Variants in RORA observed in about 807,000 individuals in gnomAD.
RORA encodes the protein RAR related orphan receptor A, also known as nuclear receptor ROR-alpha.
RORA carries 7 observed loss-of-function variants against 69.5 expected under a neutral mutation model. The ratio of observed to expected loss-of-function variants is 0.10; its 90% CI spans 0.06 to 0.19. RORA has a LOEUF of 0.19. Ranked by LOEUF, RORA falls within the 10% of genes least tolerant of loss-of-function variation. The probability of loss-of-function intolerance (pLI) is 1.00; values close to 1 mark genes in which losing one functional copy is unlikely to be tolerated. For missense variants in RORA, 457 were observed against 663.0 expected, an observed-to-expected ratio of 0.69 and a Z score of 3.41; for synonymous variants, 261 against 240.8, an observed-to-expected ratio of 1.08 and a Z score of -0.78.
intron 2 of RORA, among the ~76,000 whole-genome samples, chr15:60,605,628 A>G (rs192772192): frequency 1.3e-5 from 2 of 152,352 alleles, no homozygotes; most frequent in South Asian, 2.1e-4. Context: ...TTGGTCTTTA[A>G]TAGAGGCAAA....
Position 60,592,914 on chromosome 15 carries a change from C to G in RORA, c.197-61063G>C, listed in dbSNP as rs1567112204. On this transcript the variant is annotated intron_variant, in intron 2 of 10. Coordinates refer to ENST00000335670, the MANE Select transcript of RORA (RefSeq NM_134261.3). ...AAGAGGCTCGCAACCCGACGCCACT[C>G]TCCCGCTGGCTTGCCGGAGCACTCG... The G allele has an allele frequency of 6.6e-6, 3 of 455,962 alleles. No homozygotes were observed. The Admixed American group carries it at 7.1e-5, about 11-fold the overall frequency. The allele number at this position is 455,962 out of a possible 1,614,324, so 28.2% of individuals were successfully genotyped here. A position where few individuals can be genotyped will look rare whatever the true frequency, so the allele number is the denominator to read the frequency against.
chr15:60,845,472 G>T (rs2073253843), intron 1 of RORA, among the ~76,000 whole-genome samples: 1 of 152,120 alleles, frequency 6.6e-6, no homozygotes, highest in Non-Finnish European at 1.5e-5. Flanking sequence ...GATTCTTTAA[G>T]GTCCCCAGAT....
intron 2 of RORA, among the ~76,000 whole-genome samples, chr15:60,632,259 C>G (rs1211375124): frequency 6.6e-6 from 1 of 152,082 alleles, no homozygotes; most frequent in Non-Finnish European, 1.5e-5. Context: ...GAACCTGCCA[C>G]TACACCCAGG....
At chr15:60,743,257 C>T (rs965112020) in intron 1 of RORA, among the ~76,000 whole-genome samples, 28 of 152,068 alleles carry the variant, frequency 1.8e-4, no homozygotes, top group African/African-American at 2.4e-4. Flanking sequence ...TCAAGTGATC[C>T]GACCGCCTCG....
At chr15:61,117,058 AAG>A (rs1367989875) in intron 1 of RORA, among the ~76,000 whole-genome samples, 1 of 152,182 alleles carries the variant, frequency 6.6e-6, no homozygotes, top group African/African-American at 2.4e-5. Context: ...ATCCCAGTCC[AAG>A]AGAGTTTACT....
rs897676037 is a variant in RORA, at chr15:60,533,147, G to A, written c.197-1296C>T. 3.9e-5 allele frequency among the ~76,000 whole-genome samples: 6 copies of A among 152,210 alleles called. No homozygotes were observed. In the South Asian group the frequency reaches 1.2e-3, roughly 32 times the overall value. ...GATTTAACCTCATTATAAACCATGT[G>A]TACTGCTAACTCCCTTTCTCAGGGC... On this transcript the variant is annotated intron_variant, in intron 2 of 10. Coordinates refer to ENST00000335670, the MANE Select transcript of RORA (RefSeq NM_134261.3).
At chr15:61,023,591 G>T (rs1895653264) in intron 1 of RORA, among the ~76,000 whole-genome samples, 1 of 152,192 alleles carries the variant, frequency 6.6e-6, no homozygotes, top group African/African-American at 2.4e-5. Flanking sequence ...AGCTTTTGCA[G>T]GGTTATGGAA....
chr15:60,963,609 T>G lies in RORA; in HGVS notation c.166+265444A>C, dbSNP rs186780949. Among the ~76,000 whole-genome samples the G allele has an allele frequency of 2.0e-5, 3 of 152,376 alleles. No homozygotes were observed. The East Asian group carries it at 5.8e-4, about 29-fold the overall frequency. ...ATTTGTGAGGTTTCCCTTGCATTCC[T>G]CTGCTCCTGTGCACCTGACTGCTGA... On this transcript the variant is annotated intron_variant, in intron 1 of 10. Coordinates refer to ENST00000335670, the MANE Select transcript of RORA (RefSeq NM_134261.3).
chr15:60,757,232 C>T (rs1474305873), intron 1 of RORA, among the ~76,000 whole-genome samples: 1 of 152,158 alleles, frequency 6.6e-6, no homozygotes, highest in Non-Finnish European at 1.5e-5. Flanking sequence ...TCCTTCTCAG[C>T]ACTGTTGATC....
chr15:60,658,126 G>C (rs968943504), intron 2 of RORA, among the ~76,000 whole-genome samples: 2 of 151,866 alleles, frequency 1.3e-5, no homozygotes, highest in African/African-American at 4.8e-5. Context: ...TGTTGTCCAG[G>C]CTGGAGTGCA....
At chr15:60,940,427 A>G (rs1244450166) in intron 1 of RORA, among the ~76,000 whole-genome samples, 1 of 152,240 alleles carries the variant, frequency 6.6e-6, no homozygotes, top group Admixed American at 6.5e-5. Context: ...ATATTATTGT[A>G]TTTAGATAAA....
chr15:61,194,170 G>A (rs538718702), intron 1 of RORA: 1 of 152,310 alleles, frequency 6.6e-6, no homozygotes, highest in Non-Finnish European at 1.5e-5. Flanking sequence ...ATTTGAACTT[G>A]TGCCCTTCCA....
intron 1 of RORA, among the ~76,000 whole-genome samples, chr15:61,222,029 TCTAGG>T (rs2080102146): frequency 6.6e-6 from 1 of 152,142 alleles, no homozygotes; most frequent in Non-Finnish European, 1.5e-5. Context: ...TTAAGATGAT[TCTAGG>T]CTAGGAGATT....
chr15:60,941,723 T>C (rs148128632), intron 1 of RORA, among the ~76,000 whole-genome samples: 2 of 152,350 alleles, frequency 1.3e-5, no homozygotes, highest in East Asian at 3.9e-4. Context: ...TTTTACGCAA[T>C]TATGAGTCAT....
At chr15:61,102,730 T>G (rs1197694180) in intron 1 of RORA, among the ~76,000 whole-genome samples, 1 of 152,196 alleles carries the variant, frequency 6.6e-6, no homozygotes, top group Non-Finnish European at 1.5e-5. Context: ...CCTCCTACAC[T>G]GAAGCATGCA....
At chr15:61,118,322 C>T (rs1023053777) in intron 1 of RORA, among the ~76,000 whole-genome samples, 1 of 152,056 alleles carries the variant, frequency 6.6e-6, no homozygotes, top group East Asian at 1.9e-4. Flanking sequence ...AGATAAAGCC[C>T]GGTAAAGGCC....
intron 1 of RORA, among the ~76,000 whole-genome samples, chr15:60,794,688 T>C (rs1375035259): frequency 6.6e-6 from 1 of 152,232 alleles, no homozygotes; most frequent in Admixed American, 6.5e-5. Flanking sequence ...ATGGCAATCA[T>C]TAATTTCTAA....
At chr15:60,622,080 G>A (rs2069426398) in intron 2 of RORA, among the ~76,000 whole-genome samples, 1 of 151,870 alleles carries the variant, frequency 6.6e-6, no homozygotes, top group African/African-American at 2.4e-5. Flanking sequence ...TTCCCTCCAT[G>A]TAGTACCCAT....
chr15:61,111,266 G>T (rs955510540), intron 1 of RORA, among the ~76,000 whole-genome samples: 3 of 152,234 alleles, frequency 2.0e-5, no homozygotes, highest in Non-Finnish European at 4.4e-5. Flanking sequence ...TCTAGAGGAG[G>T]TAGGGCTGGG....
Sources: gnomAD v4.1 joint callset for allele counts (sites outside exome capture counted in the v4.1 genomes callset) on GRCh38, gnomAD v4.1.1 for gene constraint, MANE v1.5 for transcripts, NCBI Gene and HGNC (gene_info 2026-07-23, HGNC 2026-07-21) for gene names.